The following CCBE1 variants were observed in gnomAD, a reference collection of about 807,000 sequenced individuals.
CCBE1 encodes collagen and calcium binding EGF domains 1, also known as collagen and calcium-binding EGF domain-containing protein 1.
In CCBE1, 37 loss-of-function variants were observed where a neutral mutation model predicts 50.0. That is an observed-to-expected ratio of 0.74 (90% CI 0.57 to 0.97). The LOEUF (loss-of-function observed/expected upper bound fraction) is 0.97. Ranked by LOEUF, CCBE1 falls within the 50% of genes least tolerant of loss-of-function variation. CCBE1 has a pLI of 0.00. For synonymous variants in CCBE1, 234 were observed against 203.7 expected (o/e 1.15, Z -1.27); for missense variants, 538 against 523.8 (o/e 1.03, Z -0.26).
At chr18:59,487,892 C>T (rs1912899563) in intron 2 of CCBE1, among the ~76,000 whole-genome samples, 2 of 152,214 alleles carry the variant, frequency 1.3e-5, no homozygotes, top group Non-Finnish European at 2.9e-5. Context: ...GATATTTGTA[C>T]ACCAATGGTC....
At chr18:59,494,887 C>G (rs900052940) in intron 2 of CCBE1, among the ~76,000 whole-genome samples, 1 of 152,176 alleles carries the variant, frequency 6.6e-6, no homozygotes, top group African/African-American at 2.4e-5. Context: ...GGTGCTGTGG[C>G]TCACGCCTGT....
At chr18:59,576,365 G>C (rs2052995448) in intron 2 of CCBE1, among the ~76,000 whole-genome samples, 2 of 152,216 alleles carry the variant, frequency 1.3e-5, no homozygotes. Context: ...CGAAATGGCT[G>C]TACCATTCAG....
intron 2 of CCBE1, among the ~76,000 whole-genome samples, chr18:59,695,677 A>G (rs1203622401): frequency 1.3e-5 from 2 of 152,204 alleles, no homozygotes; most frequent in African/African-American, 4.8e-5. Flanking sequence ...TATAAGGAAT[A>G]AAACATTGTT....
chr18:59,503,325 C>T (rs1467213919), intron 2 of CCBE1, among the ~76,000 whole-genome samples: 1 of 151,658 alleles, frequency 6.6e-6, no homozygotes, highest in African/African-American at 2.4e-5. Flanking sequence ...GCCGATCAAC[C>T]TGCCGAGTGC....
intron 2 of CCBE1, among the ~76,000 whole-genome samples, chr18:59,692,464 G>C (rs2144752545): frequency 6.6e-6 from 1 of 152,218 alleles, no homozygotes; most frequent in African/African-American, 2.4e-5. Flanking sequence ...TTTTATATGT[G>C]TTTTGACATT....
chr18:59,655,839 A>G (rs558762116), intron 2 of CCBE1, among the ~76,000 whole-genome samples: 1 of 152,332 alleles, frequency 6.6e-6, no homozygotes, highest in Admixed American at 6.5e-5. Context: ...TCACTCCCCC[A>G]TCAGATGCTG....
At chr18:59,595,274 G>A (rs1599045703) in intron 2 of CCBE1, among the ~76,000 whole-genome samples, 1 of 138,236 alleles carries the variant, frequency 7.2e-6, no homozygotes, top group Non-Finnish European at 1.6e-5. Context: ...AGACAATTTT[G>A]TAAGCTTTCA....
chr18:59,480,922 C>T (rs934422873), intron 2 of CCBE1, among the ~76,000 whole-genome samples: 6 of 152,168 alleles, frequency 3.9e-5, no homozygotes, highest in African/African-American at 1.2e-4. Context: ...AAAATATTTA[C>T]ACTCTCTGAA....
intron 2 of CCBE1, among the ~76,000 whole-genome samples, chr18:59,624,521 A>C (rs2053753755): frequency 6.6e-6 from 1 of 152,242 alleles, no homozygotes; most frequent in South Asian, 2.1e-4. Context: ...AGGGACTAAG[A>C]CAACAAAATA....
intron 2 of CCBE1, among the ~76,000 whole-genome samples, chr18:59,695,916 A>T (rs1230232889): frequency 6.6e-6 from 1 of 152,160 alleles, no homozygotes; most frequent in East Asian, 1.9e-4. Context: ...CAATGGTGAA[A>T]AACCTAAATC....
At chr18:59,615,882 CAT>C (rs1320709258) in intron 2 of CCBE1, among the ~76,000 whole-genome samples, 9 of 152,260 alleles carry the variant, frequency 5.9e-5, no homozygotes, top group African/African-American at 2.2e-4. Context: ...AGCAAGCACT[CAT>C]AGAGCAAAGA....
chr18:59,478,283 T>C (rs1912406377), intron 3 of CCBE1, among the ~76,000 whole-genome samples: 1 of 152,152 alleles, frequency 6.6e-6, no homozygotes, highest in African/African-American at 2.4e-5. Flanking sequence ...CTCTCCTACA[T>C]AGAAAATCGA....
intron 2 of CCBE1, among the ~76,000 whole-genome samples, chr18:59,580,643 A>G (rs748328686): frequency 1.1e-4 from 17 of 152,232 alleles, no homozygotes; most frequent in Non-Finnish European, 1.8e-4. Flanking sequence ...CCCAAAATGT[A>G]AAGCGACTTG....
chr18:59,697,617 T>G, upstream of CCBE1: 2 of 451,798 alleles, frequency 4.4e-6, no homozygotes. Context: ...AGGTTCAAGT[T>G]GTCTCGTCGG....
intron 2 of CCBE1, among the ~76,000 whole-genome samples, chr18:59,565,830 C>A (rs1334832763): frequency 6.6e-6 from 1 of 151,618 alleles, no homozygotes; most frequent in East Asian, 1.9e-4. Context: ...GCTGGGTTTT[C>A]AAGCTTTTTT....
At chr18:59,689,618 G>A (rs2054702899) in intron 2 of CCBE1, among the ~76,000 whole-genome samples, 1 of 152,216 alleles carries the variant, frequency 6.6e-6, no homozygotes, top group Non-Finnish European at 1.5e-5. Context: ...AATGCATTAT[G>A]TGGAGAGTCA....
At chr18:59,447,636 G>T (rs1598907834) in intron 7 of CCBE1, among the ~76,000 whole-genome samples, 1 of 152,188 alleles carries the variant, frequency 6.6e-6, no homozygotes, top group African/African-American at 2.4e-5. Context: ...AAGCAGGGGG[G>T]GTTCATAATA....
At chr18:59,520,880 C>A (rs1914569544) in intron 2 of CCBE1, among the ~76,000 whole-genome samples, 2 of 152,238 alleles carry the variant, frequency 1.3e-5, no homozygotes, top group African/African-American at 4.8e-5. Context: ...TGGCACAATG[C>A]CTCCTACCTG....
At chr18:59,525,164 A>G (rs1050917284) in intron 2 of CCBE1, among the ~76,000 whole-genome samples, 18 of 152,216 alleles carry the variant, frequency 1.2e-4, no homozygotes, top group African/African-American at 4.3e-4. Flanking sequence ...TGTCTTCCAC[A>G]ATGGTTGACC....
Sources: gnomAD v4.1 joint callset for allele counts (sites outside exome capture counted in the v4.1 genomes callset) on GRCh38, gnomAD v4.1.1 for gene constraint, MANE v1.5 for transcripts, NCBI Gene and HGNC (gene_info 2026-07-23, HGNC 2026-07-21) for gene names.